Variants in CCDC85C observed in about 807,000 individuals in gnomAD.
CCDC85C encodes coiled-coil domain-containing protein 85C.
Under a neutral mutation model 38.3 loss-of-function variants are expected in CCDC85C, and 18 were observed. The observed-to-expected ratio is 0.47, with a 90% confidence interval of 0.33 to 0.70. CCDC85C has a LOEUF of 0.70. Ranked by LOEUF, CCDC85C falls within the 30% of genes least tolerant of loss-of-function variation. CCDC85C has a pLI of 0.03. For synonymous variants in CCDC85C, 264 were observed against 293.8 expected (o/e 0.90, Z 1.04); for missense variants, 566 against 621.2 (o/e 0.91, Z 0.94).
chr14:99,562,190 G>A (rs1390014130), intron 1 of CCDC85C, among the ~76,000 whole-genome samples: 2 of 152,144 alleles, frequency 1.3e-5, no homozygotes, highest in Non-Finnish European at 2.9e-5. Flanking sequence ...ACGCCCTCCA[G>A]CAAGCTGACC....
Position 99,603,750 on chromosome 14 carries a change from G to A in CCDC85C, c.210C>T (p.Leu70=). The A allele has an allele frequency of 6.6e-7, 1 of 1,524,200 alleles. No homozygotes were observed. Among genetic ancestry groups the A allele is most frequent in the East Asian group, 2.5e-5 (1 of 39,502 alleles). 94.4% of individuals were successfully genotyped at this position (1,524,200 alleles called of 1,614,324 possible). A position where few individuals can be genotyped will look rare whatever the true frequency, so the allele number is the denominator to read the frequency against. Residue 70 remains leucine, a synonymous_variant, in exon 1 of 6, where the codon CTC becomes CTT. Transcript: ENST00000380243. The surrounding 1 kb of genome is among the most constrained non-coding windows in gnomAD (Gnocchi z 7.5). ...LQQHLLEIRG[L]KDVNQRLQDD... ...CCTGCAGCCGCTGGTTCACGTCCTT[G>A]AGGCCGCGGATCTCCAGCAGGTGCT... is the stretch of plus-strand genomic sequence containing the variant.
intron 1 of CCDC85C, among the ~76,000 whole-genome samples, chr14:99,566,882 G>T (rs969358573): frequency 6.6e-6 from 1 of 152,168 alleles, no homozygotes; most frequent in Non-Finnish European, 1.5e-5. Flanking sequence ...AAGGGAAGGG[G>T]CCTAGATGGC....
intron 1 of CCDC85C, among the ~76,000 whole-genome samples, chr14:99,559,497 C>T (rs1898075454): frequency 6.6e-6 from 1 of 152,172 alleles, no homozygotes; most frequent in Non-Finnish European, 1.5e-5. Flanking sequence ...TCGTCACCCA[C>T]CACATTTGCC....
intron 2 of CCDC85C, among the ~76,000 whole-genome samples, chr14:99,534,279 C>T (rs543276387): frequency 6.6e-6 from 1 of 151,820 alleles, no homozygotes; most frequent in Non-Finnish European, 1.5e-5. Flanking sequence ...TGCTTGAACC[C>T]GGGAGACAGA....
At chr14:99,577,455 G>A (rs532866695) in intron 1 of CCDC85C, among the ~76,000 whole-genome samples, 4 of 142,238 alleles carry the variant, frequency 2.8e-5, no homozygotes, top group South Asian at 2.6e-4. Flanking sequence ...CATGTCTGCC[G>A]CCCACTTGCT....
At chr14:99,579,988 A>G (rs116180933) in intron 1 of CCDC85C, 29,952 of 452,172 alleles carry the variant, frequency 0.066, 1,883 homozygotes, top group African/African-American at 0.19. Context: ...TCAGCAGCGG[A>G]CCACCATGAC....
intron 1 of CCDC85C, among the ~76,000 whole-genome samples, chr14:99,602,542 C>T (rs1474494241): frequency 6.6e-6 from 1 of 152,194 alleles, no homozygotes; most frequent in Non-Finnish European, 1.5e-5. Flanking sequence ...ACATCTCCCT[C>T]GGGAAAGTCT....
rs985013470 is a variant in CCDC85C, at chr14:99,603,287, G to T, written c.673C>A (p.Pro225Thr). 3.8e-5 allele frequency: 53 copies of T among 1,376,764 alleles called. No homozygotes were observed. Among genetic ancestry groups the T allele is most frequent in the Non-Finnish European group, 4.6e-5 (49 of 1,070,238 alleles). 85.3% of individuals were successfully genotyped at this position (1,376,764 alleles called of 1,614,324 possible). Residue 225 changes from proline (P) to threonine (T), a missense_variant, in exon 1 of 6, where the codon CCC (proline) becomes ACC (threonine). Around this residue, in one of 3 missense-constraint regions of CCDC85C, gnomAD observed 286 missense variants for 276.4 expected, o/e 1.03. Transcript: ENST00000380243. The surrounding 1 kb of genome is among the most constrained non-coding windows in gnomAD (Gnocchi z 7.5). ...GSPDHHHHVP[P>T]PLLPPGPHKA... ...TGCGGCCCGGGGGGCAGCAGCGGGG[G>T]TGGGACGTGGTGGTGGTGGTCGGGG...
intron 1 of CCDC85C, among the ~76,000 whole-genome samples, chr14:99,595,969 A>G (rs1263150553): frequency 6.6e-6 from 1 of 152,258 alleles, no homozygotes; most frequent in Admixed American, 6.5e-5. Context: ...GCTGGGAGTC[A>G]AGAGGACCAG....
chr14:99,596,828 C>T (rs562867545), intron 1 of CCDC85C, among the ~76,000 whole-genome samples: 56 of 152,268 alleles, frequency 3.7e-4, no homozygotes, highest in African/African-American at 1.3e-3. Flanking sequence ...AGACGCTGAT[C>T]CCAACCACCC....
rs28406515 is a variant in CCDC85C at position 99,516,482 on chromosome 14, A to G, written c.1072-196T>C. Among the ~76,000 whole-genome samples, 1,731 of 152,248 alleles carry G rather than the reference A, an allele frequency of 0.011. 41 individuals carry two copies. Among genetic ancestry groups the G allele is most frequent in the African/African-American group, 0.039 (1,641 of 41,550 alleles). On this transcript the variant is annotated intron_variant, in intron 4 of 5. Transcript: ENST00000380243. This position sits in a 1 kb window ranked among gnomAD's most constrained non-coding sequence, Gnocchi z 5.5. The stretch of plus-strand genomic sequence containing the variant: ...ACCCTGCTGACACTGGATGCCCTAC[A>G]AGGGAAGCAGCTCATGGCTGGGCCA...
At chr14:99,567,240 C>T (rs557089723) in intron 1 of CCDC85C, among the ~76,000 whole-genome samples, 6 of 152,268 alleles carry the variant, frequency 3.9e-5, no homozygotes, top group South Asian at 2.1e-4. Flanking sequence ...CCCTAAAGCT[C>T]GCTCCAGCCA....
Position 99,503,230 on chromosome 14 carries a change from C to T in CCDC85C, c.*12016G>A. ...AGCCCTGCTGCCTGTTTCATCCCTG[C>T]CAGGGTTCTGAAGCCTGTCGGTGTC... On this transcript the variant is annotated 3_prime_UTR_variant, in exon 6 of 6. Transcript: ENST00000380243. 1.5e-6 allele frequency: 1 copy of T among 670,000 alleles called. No homozygotes were observed. The highest frequency in any genetic ancestry group is 1.6e-5 in the South Asian group (1 of 61,074). 41.5% of individuals were successfully genotyped at this position (670,000 alleles called of 1,614,324 possible).
At chr14:99,543,379 T>C (rs59428857) in intron 1 of CCDC85C, among the ~76,000 whole-genome samples, 2,789 of 152,138 alleles carry the variant, frequency 0.018, 65 homozygotes, top group African/African-American at 0.062. Context: ...AGGGGCAGTA[T>C]ATTATTGGTC....
chr14:99,537,208 G>C (rs1897620663), intron 1 of CCDC85C, among the ~76,000 whole-genome samples: 3 of 152,152 alleles, frequency 2.0e-5, no homozygotes, highest in Admixed American at 1.3e-4. Flanking sequence ...CCCGACAACA[G>C]GACGCAGGGT....
chr14:99,589,910 G>A (rs530013219), intron 1 of CCDC85C, among the ~76,000 whole-genome samples: 3 of 152,330 alleles, frequency 2.0e-5, no homozygotes, highest in East Asian at 1.9e-4. Flanking sequence ...CCACGCCCAC[G>A]GCGCATTTGC....
chr14:99,563,582 T>A (rs1194225313), intron 1 of CCDC85C, among the ~76,000 whole-genome samples: 1 of 152,220 alleles, frequency 6.6e-6, no homozygotes, highest in Non-Finnish European at 1.5e-5. Context: ...TCACTCTGCA[T>A]CTGCAAGATA....
At position 99,504,162 on chromosome 14, in the gene CCDC85C, CAGAA is replaced by C. The variant is rs1225695954; in HGVS notation, c.*11080_*11083del. On this transcript the variant is annotated 3_prime_UTR_variant, in exon 6 of 6. Coordinates refer to ENST00000380243, the MANE Select transcript of CCDC85C (RefSeq NM_001144995.2). The stretch of plus-strand genomic sequence containing the variant: ...AGTTCATGTCAATATTGGAAATAAA[CAGAA>C]GGAGTGAGCAAAATTGGAACAATTA... The C allele has an allele frequency of 1.9e-5, 5 of 264,704 alleles. No homozygotes were observed. 16.4% of individuals were successfully genotyped at this position (264,704 alleles called of 1,614,324 possible). A position where few individuals can be genotyped will look rare whatever the true frequency, so the allele number is the denominator to read the frequency against.
chr14:99,504,142 A>C lies in CCDC85C; in HGVS notation c.*11104T>G. On this transcript the variant is annotated 3_prime_UTR_variant, in exon 6 of 6. Coordinates refer to ENST00000380243, the MANE Select transcript of CCDC85C (RefSeq NM_001144995.2). The stretch of plus-strand genomic sequence containing the variant: ...CATGTCTAGAACCCAAAGTTAGTTC[A>C]TGTCAATATTGGAAATAAACAGAAG... The C allele has an allele frequency of 3.4e-6, 1 of 297,342 alleles. No homozygotes were observed. Among genetic ancestry groups the C allele is most frequent in the Non-Finnish European group, 6.9e-6 (1 of 145,882 alleles). 18.4% of individuals were successfully genotyped at this position (297,342 alleles called of 1,614,324 possible). A position where few individuals can be genotyped will look rare whatever the true frequency, so the allele number is the denominator to read the frequency against.
Sources: allele counts gnomAD v4.1 joint callset (sites outside exome capture counted in the v4.1 genomes callset), GRCh38; gene constraint gnomAD v4.1.1; regional missense constraint gnomAD v4.1.1; non-coding constraint Gnocchi (gnomAD v3.1); transcripts MANE v1.5; gene names NCBI Gene and HGNC (gene_info 2026-07-23, HGNC 2026-07-21).